The following AGBL4 variants were observed in gnomAD, a reference collection of about 807,000 sequenced individuals.
AGBL4 encodes the protein cytosolic carboxypeptidase 6.
AGBL4 carries 58 observed loss-of-function variants against 66.4 expected under a neutral mutation model. That is an observed-to-expected ratio of 0.87 (90% CI 0.71 to 1.09). AGBL4 has a LOEUF of 1.09. Among genes scored for constraint, AGBL4 ranks in the 50% least tolerant of loss-of-function variants. The pLI is 0.00. For synonymous variants in AGBL4, 234 were observed against 222.9 expected (o/e 1.05, Z -0.44); for missense variants, 579 against 631.0 (o/e 0.92, Z 0.88).
intron 3 of AGBL4, among the ~76,000 whole-genome samples, chr1:49,551,130 A>G (rs1652919155): frequency 6.6e-6 from 1 of 152,190 alleles, no homozygotes; most frequent in Non-Finnish European, 1.5e-5. Flanking sequence ...CTATAAGGGT[A>G]TCCAATGATT....
At chr1:49,615,164 C>T (rs1645227265) in intron 3 of AGBL4, among the ~76,000 whole-genome samples, 1 of 152,092 alleles carries the variant, frequency 6.6e-6, no homozygotes. Context: ...AAAAATCTTA[C>T]TCTGACAATA....
chr1:49,903,447 C>A lies in AGBL4; in HGVS notation c.35-51929G>T, dbSNP rs145223199. Among the ~76,000 whole-genome samples the A allele has an allele frequency of 3.8e-4, 58 of 152,044 alleles. 1 individual carries two copies. In the East Asian group the frequency reaches 0.011, roughly 28 times the overall value. ...GATGAAATAATCTGTACACCGAACC[C>A]CTGTTACACACAGTTTACCTATATA... is the stretch of plus-strand genomic sequence containing the variant. On this transcript the variant is annotated intron_variant, in intron 1 of 13. Coordinates refer to ENST00000371839, the MANE Select transcript of AGBL4 (RefSeq NM_032785.4).
intron 3 of AGBL4, among the ~76,000 whole-genome samples, chr1:49,342,156 C>G (rs964789073): frequency 6.6e-6 from 1 of 152,140 alleles, no homozygotes; most frequent in East Asian, 1.9e-4. Context: ...TTTTTTTCCA[C>G]TCTCCCTCTC....
In AGBL4 at chr1:49,816,848, A is replaced by G. The variant is rs77264783; in HGVS notation, c.157+34548T>C. Among the ~76,000 whole-genome samples, 915 of 152,324 alleles carry G rather than the reference A, an allele frequency of 6.0e-3. 51 individuals carry two copies. In the East Asian group the frequency reaches 0.13, roughly 22 times the overall value. On this transcript the variant is annotated intron_variant, in intron 2 of 13. Transcript: ENST00000371839. ...GCTCAGAGATGAGGCAGACTGGGAT[A>G]GAAGTCAAAACCCATCAGTAGCAGA...
chr1:49,849,506 C>CATACAT (rs150025319), intron 2 of AGBL4, among the ~76,000 whole-genome samples: 1 of 144,816 alleles, frequency 6.9e-6, no homozygotes, highest in East Asian at 2.1e-4. Context: ...CACACACACA[C>CATACAT]ACATACATAC....
At chr1:49,309,919 G>A (rs1644915091) in intron 3 of AGBL4, among the ~76,000 whole-genome samples, 1 of 152,018 alleles carries the variant, frequency 6.6e-6, no homozygotes, top group African/African-American at 2.4e-5. Context: ...AAATGTAGAG[G>A]ACACAGGGAA....
At chr1:49,805,418 T>A (rs1274541939) in intron 2 of AGBL4, among the ~76,000 whole-genome samples, 1 of 152,174 alleles carries the variant, frequency 6.6e-6, no homozygotes, top group Non-Finnish European at 1.5e-5. Context: ...ATATTTTTCT[T>A]CTGTAAAGGG....
At chr1:48,925,989 G>A (rs970463398) in intron 5 of AGBL4, among the ~76,000 whole-genome samples, 1 of 152,170 alleles carries the variant, frequency 6.6e-6, no homozygotes, top group Non-Finnish European at 1.5e-5. Flanking sequence ...GTGGAATAGA[G>A]CTCTGTCACT....
chr1:49,868,976 T>A (rs555208866), intron 1 of AGBL4, among the ~76,000 whole-genome samples: 2 of 152,206 alleles, frequency 1.3e-5, no homozygotes, highest in South Asian at 4.1e-4. Context: ...GACATTTATG[T>A]AGCCAACAAA....
At chr1:49,347,692 T>A (rs545900019) in intron 3 of AGBL4, among the ~76,000 whole-genome samples, 1 of 151,488 alleles carries the variant, frequency 6.6e-6, no homozygotes, top group East Asian at 2.0e-4. Context: ...GCCCTGTCTC[T>A]ACTAAAAATA....
In AGBL4 at chr1:48,718,883, T is replaced by C. The variant is rs78724372; in HGVS notation, c.635-55642A>G. The stretch of plus-strand genomic sequence containing the variant: ...ATGCTCCCTGCTTCTATCACTCTGA[T>C]GGGAGGGCAGTGCCTGTTAGTGAGC... On this transcript the variant is annotated intron_variant, in intron 6 of 13. Coordinates refer to ENST00000371839, the MANE Select transcript of AGBL4 (RefSeq NM_032785.4). Among the ~76,000 whole-genome samples the C allele has an allele frequency of 2.6e-5, 4 of 152,278 alleles. No individual in the cohort carries two copies. In the East Asian group the frequency reaches 5.8e-4, roughly 22 times the overall value.
intron 1 of AGBL4, among the ~76,000 whole-genome samples, chr1:50,012,276 T>A (rs1302521862): frequency 1.3e-5 from 2 of 151,794 alleles, no homozygotes; most frequent in Non-Finnish European, 2.9e-5. Context: ...CCACAAGACC[T>A]GCTATCGTGA....
chr1:49,089,050 C>T (rs930696193), intron 4 of AGBL4, among the ~76,000 whole-genome samples: 2 of 151,722 alleles, frequency 1.3e-5, no homozygotes, highest in African/African-American at 2.4e-5. Flanking sequence ...TTCTTGGAAA[C>T]TAATGAGTGC....
intron 3 of AGBL4, among the ~76,000 whole-genome samples, chr1:49,656,106 C>A (rs1216771413): frequency 2.0e-5 from 3 of 151,226 alleles, no homozygotes; most frequent in Admixed American, 1.3e-4. Context: ...AAGATCGTGC[C>A]ACTGCACTCC....
rs546644783 is a variant in AGBL4 at position 49,669,536 on chromosome 1, G to C, written c.282+27777C>G. 3.3e-4 allele frequency among the ~76,000 whole-genome samples: 50 copies of C among 151,004 alleles called. 1 individual carries two copies. The South Asian group carries it at 9.5e-3, about 29-fold the overall frequency. The stretch of plus-strand genomic sequence containing the variant: ...TTCTATATTAACATTCACTGGATAG[G>C]AACCAGCTTTTTTTGTTCATTTGAC... On this transcript the variant is annotated intron_variant, in intron 3 of 13. Transcript: ENST00000371839.
At chr1:49,763,059 G>A (rs1240107422) in intron 2 of AGBL4, among the ~76,000 whole-genome samples, 1 of 152,202 alleles carries the variant, frequency 6.6e-6, no homozygotes. Context: ...TTGATGTTTT[G>A]TATATGATGA....
chr1:49,012,292 T>C (rs1425153751), intron 5 of AGBL4, among the ~76,000 whole-genome samples: 1 of 151,912 alleles, frequency 6.6e-6, no homozygotes, highest in East Asian at 1.9e-4. Flanking sequence ...AGGGAAAATA[T>C]AGAGACAAAG....
chr1:48,619,548 C>CTT (rs1645374609), intron 9 of AGBL4, among the ~76,000 whole-genome samples: 1 of 152,190 alleles, frequency 6.6e-6, no homozygotes, highest in African/African-American at 2.4e-5. Flanking sequence ...TGAAGCCCTG[C>CTT]TTTCATTCAC....
At chr1:49,816,118 C>T (rs1394858763) in intron 2 of AGBL4, among the ~76,000 whole-genome samples, 2 of 152,098 alleles carry the variant, frequency 1.3e-5, no homozygotes, top group South Asian at 2.1e-4. Context: ...AAGTCCTGGA[C>T]TCAAGTGGTC....
Sources: gnomAD v4.1 joint callset for allele counts (sites outside exome capture counted in the v4.1 genomes callset) on GRCh38, gnomAD v4.1.1 for gene constraint, MANE v1.5 for transcripts, NCBI Gene and HGNC (gene_info 2026-07-23, HGNC 2026-07-21) for gene names.